Variants in MYO3A observed in about 807,000 individuals in gnomAD.
The protein encoded by MYO3A is myosin IIIA.
In MYO3A, 180 loss-of-function variants were observed where a neutral mutation model predicts 192.7. That is an observed-to-expected ratio of 0.93 (90% CI 0.83 to 1.06). The LOEUF (loss-of-function observed/expected upper bound fraction) is 1.06. Among genes scored for constraint, MYO3A ranks in the 50% least tolerant of loss-of-function variants. MYO3A has a pLI of 0.00. For synonymous variants in MYO3A, 628 were observed against 645.3 expected (o/e 0.97, Z 0.41); for missense variants, 1,896 against 1,905.0 (o/e 1.00, Z 0.09).
At chr10:26,006,489 C>A (rs1841216345) in intron 6 of MYO3A, among the ~76,000 whole-genome samples, 1 of 151,868 alleles carries the variant, frequency 6.6e-6, no homozygotes, top group African/African-American at 2.4e-5. Flanking sequence ...GCTAGCAAGA[C>A]TAATAAAGAA....
intron 10 of MYO3A, among the ~76,000 whole-genome samples, chr10:26,037,782 A>C (rs940380870): frequency 6.6e-6 from 1 of 152,054 alleles, no homozygotes; most frequent in Non-Finnish European, 1.5e-5. Flanking sequence ...GGCGAAAGGG[A>C]AGCAAGCACA....
chr10:25,959,092 T>C (rs1458700836), intron 4 of MYO3A, among the ~76,000 whole-genome samples: 1 of 152,128 alleles, frequency 6.6e-6, no homozygotes, highest in Non-Finnish European at 1.5e-5. Context: ...TTTCTAGATA[T>C]AGAATCATGT....
intron 31 of MYO3A, among the ~76,000 whole-genome samples, chr10:26,178,223 A>AG (rs1842425545): frequency 6.6e-6 from 1 of 152,182 alleles, no homozygotes; most frequent in South Asian, 2.1e-4. Context: ...TGGGGAAGCA[A>AG]GGAAGCCAGG....
At chr10:26,171,851 T>C (rs1842062057) in intron 29 of MYO3A, among the ~76,000 whole-genome samples, 1 of 152,178 alleles carries the variant, frequency 6.6e-6, no homozygotes, top group African/African-American at 2.4e-5. Context: ...CTTGTAGATA[T>C]CACATCTAAT....
At chr10:25,948,847 AACATGACTAGGTGTATTC>A (rs1311314913) in intron 2 of MYO3A, among the ~76,000 whole-genome samples, 1 of 152,078 alleles carries the variant, frequency 6.6e-6, no homozygotes, top group African/African-American at 2.4e-5. Context: ...CTTTATATGG[AACATGACTAGGTGTATTC>A]TGTTTCCAAA....
intron 4 of MYO3A, among the ~76,000 whole-genome samples, chr10:25,976,472 C>T (rs1306460652): frequency 6.6e-6 from 1 of 152,090 alleles, no homozygotes; most frequent in Admixed American, 6.6e-5. Context: ...TAGAAATTAG[C>T]AATCATTTTT....
intron 17 of MYO3A, among the ~76,000 whole-genome samples, chr10:26,099,106 T>C (rs552170560): frequency 1.6e-4 from 25 of 152,230 alleles, no homozygotes; most frequent in Non-Finnish European, 2.9e-4. Flanking sequence ...TTTGTAGTTC[T>C]CCTTGAAGAG....
chr10:26,053,480 T>C (rs1183662622), intron 10 of MYO3A, among the ~76,000 whole-genome samples: 1 of 152,142 alleles, frequency 6.6e-6, no homozygotes, highest in Admixed American at 6.5e-5. Flanking sequence ...AGACAATACA[T>C]ATAAAAAGTT....
rs189138444 is a variant in MYO3A, at chr10:26,075,703, A to G, written c.1359+5302A>G. Reference sequence around the variant, plus strand: ...TGTCTCTCTCATATATATGATATATATATGTCTCTCTCATATATATATGAT... The same window carrying G: ...TGTCTCTCTCATATATATGATATATGTATGTCTCTCTCATATATATATGAT... On this transcript the variant is annotated intron_variant, in intron 14 of 34. Coordinates refer to ENST00000642920, the MANE Select transcript of MYO3A (RefSeq NM_017433.5). Among the ~76,000 whole-genome samples, 571 of 146,440 alleles carry G rather than the reference A, an allele frequency of 3.9e-3. 7 individuals carry two copies. The highest frequency in any genetic ancestry group is 0.013 in the African/African-American group (538 of 39,996).
At chr10:26,047,868 G>A (rs1419200038) in intron 10 of MYO3A, among the ~76,000 whole-genome samples, 3 of 150,240 alleles carry the variant, frequency 2.0e-5, no homozygotes, top group Admixed American at 6.7e-5. Flanking sequence ...CACTGAGTAC[G>A]GATGATAAAA....
chr10:26,008,706 A>G (rs1180680794), intron 6 of MYO3A, among the ~76,000 whole-genome samples: 2 of 151,860 alleles, frequency 1.3e-5, no homozygotes, highest in Middle Eastern at 3.4e-3. Context: ...TAGAATGGCA[A>G]TTGTTAAAAA....
At chr10:26,140,290 C>T (rs1840073457) in intron 20 of MYO3A, among the ~76,000 whole-genome samples, 1 of 152,210 alleles carries the variant, frequency 6.6e-6, no homozygotes, top group African/African-American at 2.4e-5. Flanking sequence ...CCTGGAATGG[C>T]CGTTTGGCCC....
chr10:26,168,841 A>T lies in MYO3A; in HGVS notation c.3241A>T (p.Lys1081Ter). ...AAGAAGATACCAAAAAATACAGGAG[A>T]AAAGGAAAGAAAGCGCTATAATAAT... Reference protein sequence around the residue: ...CSRRYQKIQEKRKESAIIIQS... With the variant: ...CSRRYQKIQE The change falls in exon 28 of 35, where the codon AAA (lysine) becomes TAA (stop). Residue 1081 changes from lysine to a stop codon, truncating the protein, a stop_gained. Coordinates refer to ENST00000642920, the MANE Select transcript of MYO3A (RefSeq NM_017433.5). LOFTEE classifies it high-confidence loss of function. The T allele has an allele frequency of 6.2e-7, 1 of 1,612,170 alleles. No individual in the cohort carries two copies. Among genetic ancestry groups the T allele is most frequent in the South Asian group, 1.1e-5 (1 of 91,030 alleles).
At chr10:26,145,612 C>T in intron 22 of MYO3A, 78 bp downstream of exon 22, 2 of 1,134,536 alleles carry the variant, frequency 1.8e-6, no homozygotes, top group Non-Finnish European at 1.3e-6. Flanking sequence ...AAAATTATGG[C>T]CCAAAATGTT....
intron 14 of MYO3A, among the ~76,000 whole-genome samples, chr10:26,076,457 T>C (rs1835582846): frequency 6.6e-6 from 1 of 152,168 alleles, no homozygotes. Context: ...GGTTTTCTCT[T>C]TACTCTGCTG....
chr10:26,097,388 TA>T (rs1352103925), intron 17 of MYO3A, among the ~76,000 whole-genome samples: 1 of 152,182 alleles, frequency 6.6e-6, no homozygotes, highest in Non-Finnish European at 1.5e-5. Flanking sequence ...TTTAACGTTT[TA>T]TTTTTTTTTA....
chr10:25,982,803 A>T (rs1839414018), intron 4 of MYO3A, among the ~76,000 whole-genome samples: 1 of 152,178 alleles, frequency 6.6e-6, no homozygotes, highest in African/African-American at 2.4e-5. Flanking sequence ...GCAGCCCCTA[A>T]ATCCCTGATC....
intron 4 of MYO3A, among the ~76,000 whole-genome samples, chr10:25,977,796 C>G (rs768867357): frequency 6.6e-6 from 1 of 152,006 alleles, no homozygotes; most frequent in Non-Finnish European, 1.5e-5. Flanking sequence ...AAAATAGATG[C>G]ACAAAAGAGA....
At chr10:26,207,510 TTGCAGC>T (rs1844027083) in intron 34 of MYO3A, among the ~76,000 whole-genome samples, 1 of 152,238 alleles carries the variant, frequency 6.6e-6, no homozygotes, top group Non-Finnish European at 1.5e-5. Flanking sequence ...CATGTGGTTT[TTGCAGC>T]ACCACTTATT....
Sources: allele counts gnomAD v4.1 joint callset (sites outside exome capture counted in the v4.1 genomes callset), GRCh38; gene constraint gnomAD v4.1.1; transcripts MANE v1.5; gene names NCBI Gene and HGNC (gene_info 2026-07-23, HGNC 2026-07-21).